Variants in FMNL2 observed in about 807,000 individuals in gnomAD.
FMNL2 encodes formin like 2.
FMNL2 carries 51 observed loss-of-function variants against 130.2 expected under a neutral mutation model. The ratio of observed to expected loss-of-function variants is 0.39; its 90% CI spans 0.31 to 0.49. The LOEUF is 0.49. FMNL2 is among the 20% of genes least tolerant of loss of function. The pLI is 0.85. For synonymous variants in FMNL2, 465 were observed against 467.1 expected (o/e 1.00, Z 0.06); for missense variants, 977 against 1,316.2 (o/e 0.74, Z 3.99).
chr2:152,341,033 G>A (rs1681769542), intron 1 of FMNL2, among the ~76,000 whole-genome samples: 1 of 152,172 alleles, frequency 6.6e-6, no homozygotes, highest in Non-Finnish European at 1.5e-5. Flanking sequence ...CCACTGCAAG[G>A]TGTTGCTCCC....
At chr2:152,411,504 TG>T in intron 1 of FMNL2, among the ~76,000 whole-genome samples, 1 of 152,322 alleles carries the variant, frequency 6.6e-6, no homozygotes, top group Admixed American at 6.5e-5. Flanking sequence ...TGTATGAAGT[TG>T]GTCCTAAAAT....
chr2:152,593,566 A>G (rs551771194), intron 9 of FMNL2, among the ~76,000 whole-genome samples: 3 of 152,308 alleles, frequency 2.0e-5, no homozygotes, highest in African/African-American at 7.2e-5. Context: ...AAAAAATGAA[A>G]GAAAAGGCAA....
chr2:152,537,713 A>G (rs1304945857), intron 2 of FMNL2, among the ~76,000 whole-genome samples: 1 of 152,214 alleles, frequency 6.6e-6, no homozygotes, highest in Admixed American at 6.5e-5. Flanking sequence ...ATTCTTTTAC[A>G]TACTGGGACT....
chr2:152,350,780 C>T (rs1202913377), intron 1 of FMNL2, among the ~76,000 whole-genome samples: 1 of 152,208 alleles, frequency 6.6e-6, no homozygotes, highest in Non-Finnish European at 1.5e-5. Flanking sequence ...CACGGTGGCT[C>T]ACGCCTGTAA....
intron 1 of FMNL2, among the ~76,000 whole-genome samples, chr2:152,340,632 C>A (rs547855839): frequency 2.0e-4 from 31 of 152,292 alleles, no homozygotes; most frequent in African/African-American, 6.5e-4. Flanking sequence ...GTCAGTGCAA[C>A]GCATATACTC....
chr2:152,452,337 T>C (rs1046144309), intron 1 of FMNL2, among the ~76,000 whole-genome samples: 2 of 152,240 alleles, frequency 1.3e-5, no homozygotes, highest in African/African-American at 2.4e-5. Flanking sequence ...GACTCCTTCC[T>C]GCCTCTGCTA....
chr2:152,344,147 C>G (rs746936945), intron 1 of FMNL2, among the ~76,000 whole-genome samples: 1 of 152,018 alleles, frequency 6.6e-6, no homozygotes, highest in Admixed American at 6.6e-5. Context: ...GCAAGACTAT[C>G]TCTAAAACAA....
chr2:152,619,552 G>GCCACCCCC lies in FMNL2; in HGVS notation c.1673_1674insACCCCCCC (p.Pro562LeufsTer29). 2 of 1,417,686 alleles carry GCCACCCCC rather than the reference G, an allele frequency of 1.4e-6. No individual in the cohort carries two copies. Among genetic ancestry groups the GCCACCCCC allele is most frequent in the Non-Finnish European group, 1.9e-6 (2 of 1,062,474 alleles). 87.8% of individuals were successfully genotyped at this position (1,417,686 alleles called of 1,614,324 possible). ...CACCACCTATGCCACCGCCGCCGCCGCCCCCTCCTCCACCTCCTCCTCCCC... is the reference window on the plus strand; with the variant it reads ...CACCACCTATGCCACCGCCGCCGCCGCCACCCCCCCCCCTCCTCCACCTCCTCCTCCCC... On this transcript the variant is annotated frameshift_variant, in exon 15 of 26. Transcript: ENST00000288670. LOFTEE classifies it high-confidence loss of function.
intron 15 of FMNL2, among the ~76,000 whole-genome samples, chr2:152,623,181 G>A (rs1050146799): frequency 3.3e-5 from 5 of 152,234 alleles, no homozygotes; most frequent in African/African-American, 1.2e-4. Context: ...TACCATGTCT[G>A]TGGGAGGAAG....
At chr2:152,459,586 C>T (rs1021148314) in intron 1 of FMNL2, among the ~76,000 whole-genome samples, 11 of 152,162 alleles carry the variant, frequency 7.2e-5, no homozygotes, top group Admixed American at 4.6e-4. Flanking sequence ...ACTTTATAGA[C>T]GTTGAAAGGG....
intron 1 of FMNL2, among the ~76,000 whole-genome samples, chr2:152,407,214 C>T (rs1686033888): frequency 1.4e-5 from 2 of 144,582 alleles, no homozygotes; most frequent in African/African-American, 5.1e-5. Flanking sequence ...TTTTTCTTTC[C>T]CCCTGAAGCT....
chr2:152,444,801 T>G (rs1688250833), intron 1 of FMNL2, among the ~76,000 whole-genome samples: 1 of 149,516 alleles, frequency 6.7e-6, no homozygotes, highest in African/African-American at 2.4e-5. Flanking sequence ...TATGGGTAAC[T>G]CAGTGTCCCC....
At chr2:152,614,026 C>G (rs148409274) in intron 11 of FMNL2, among the ~76,000 whole-genome samples, 29 of 152,250 alleles carry the variant, frequency 1.9e-4, no homozygotes, top group African/African-American at 6.7e-4. Flanking sequence ...GGAGGTTGGG[C>G]TCTAGCAATT....
chr2:152,441,822 G>A (rs574451370), intron 1 of FMNL2, among the ~76,000 whole-genome samples: 2 of 135,690 alleles, frequency 1.5e-5, no homozygotes, highest in East Asian at 4.9e-4. Context: ...GCAACAGAGC[G>A]ACACTCCGTC....
rs70974877 is a variant in FMNL2 at position 152,614,741 on chromosome 2, T to TCAAAACAAAA, written c.1063-94_1063-85dup. ...CTGGGTGACAGAGTGAAACTCCATC[T>TCAAAACAAAA]CAAAACAAAACAAAACAAAACAAAA... On this transcript the variant is annotated intron_variant, in intron 11 of 25. Coordinates refer to ENST00000288670, the MANE Select transcript of FMNL2 (RefSeq NM_052905.4). 8,399 of 1,024,052 alleles carry TCAAAACAAAA rather than the reference T, an allele frequency of 8.2e-3. 454 individuals carry two copies. In the African/African-American group the frequency reaches 0.12, roughly 14 times the overall value. The allele number at this position is 1,024,052 out of a possible 1,614,324, so 63.4% of individuals were successfully genotyped here.
At chr2:152,608,360 GAAAAAAAAAAAGAAAA>G (rs1698495841) in intron 10 of FMNL2, among the ~76,000 whole-genome samples, 2 of 16,548 alleles carry the variant, frequency 1.2e-4, no homozygotes, top group African/African-American at 3.4e-4. Context: ...CCCTTTTTGT[GAAAAAAAAAAAGAAAA>G]AAAAAAAAAA....
intron 11 of FMNL2, among the ~76,000 whole-genome samples, chr2:152,613,073 A>G (rs1251396194): frequency 6.6e-6 from 1 of 152,208 alleles, no homozygotes; most frequent in African/African-American, 2.4e-5. Flanking sequence ...CCTTGAATAG[A>G]TGGGCCTACT....
chr2:152,432,358 G>A (rs1277669117), intron 1 of FMNL2, among the ~76,000 whole-genome samples: 1 of 152,126 alleles, frequency 6.6e-6, no homozygotes, highest in Non-Finnish European at 1.5e-5. Context: ...AAAGCAGAGC[G>A]GAAGCATTGT....
chr2:152,342,945 A>G (rs953821450), intron 1 of FMNL2, among the ~76,000 whole-genome samples: 1 of 152,222 alleles, frequency 6.6e-6, no homozygotes, highest in Non-Finnish European at 1.5e-5. Context: ...ACAGAAAAAC[A>G]TGACCATCAG....
Sources: allele counts gnomAD v4.1 joint callset (sites outside exome capture counted in the v4.1 genomes callset), GRCh38; gene constraint gnomAD v4.1.1; transcripts MANE v1.5; gene names NCBI Gene and HGNC (gene_info 2026-07-23, HGNC 2026-07-21).